Variants in PLXNA4 observed in about 807,000 individuals in gnomAD.
The protein encoded by PLXNA4 is plexin A4.
PLXNA4 carries 44 observed loss-of-function variants against 191.8 expected under a neutral mutation model. The observed-to-expected ratio is 0.23, with a 90% CI of 0.18 to 0.29. The LOEUF (loss-of-function observed/expected upper bound fraction) is 0.29. Among genes scored for constraint, PLXNA4 ranks in the 10% least tolerant of loss-of-function variants. PLXNA4 has a pLI of 1.00. For synonymous variants in PLXNA4, 1,082 were observed against 1,009.5 expected (o/e 1.07, Z -1.36); for missense variants, 1,800 against 2,488.8 (o/e 0.72, Z 5.89).
At chr7:132,478,184 A>G (rs1273747444) in intron 3 of PLXNA4, among the ~76,000 whole-genome samples, 1 of 152,222 alleles carries the variant, frequency 6.6e-6, no homozygotes, top group Non-Finnish European at 1.5e-5. Context: ...TGCCTAACTA[A>G]ACCTCCCTGG....
At chr7:132,257,209 T>C (rs1043992848) in intron 4 of PLXNA4, among the ~76,000 whole-genome samples, 1 of 152,230 alleles carries the variant, frequency 6.6e-6, no homozygotes, top group African/African-American at 2.4e-5. Flanking sequence ...TCTCTCGTGA[T>C]GAGCTGCAGC....
intron 3 of PLXNA4, among the ~76,000 whole-genome samples, chr7:132,447,842 T>C (rs1411596973): frequency 6.7e-6 from 1 of 149,102 alleles, no homozygotes; most frequent in East Asian, 2.0e-4. Flanking sequence ...AAAAAAAGAT[T>C]AAAACACTTT....
chr7:132,397,851 CA>C (rs1793826909), intron 3 of PLXNA4, among the ~76,000 whole-genome samples: 1 of 152,194 alleles, frequency 6.6e-6, no homozygotes, highest in Admixed American at 6.5e-5. Context: ...ACGAAGGGCA[CA>C]GGGGAGAAAG....
chr7:132,219,397 C>T (rs558559951), intron 9 of PLXNA4, among the ~76,000 whole-genome samples: 1 of 152,328 alleles, frequency 6.6e-6, no homozygotes, highest in East Asian at 1.9e-4. Context: ...TTTCTACTTA[C>T]AATGACAGAA....
At chr7:132,160,784 C>G (rs76399962) in intron 24 of PLXNA4, among the ~76,000 whole-genome samples, 2 of 152,188 alleles carry the variant, frequency 1.3e-5, no homozygotes, top group African/African-American at 4.8e-5. Flanking sequence ...CAGAGCCAGA[C>G]AGCAGTCTCT....
At position 132,129,878 on chromosome 7, in the gene PLXNA4, C is replaced by G. The variant is rs1021505251; in HGVS notation, c.*601G>C. ...AGGAGCCTCAAGGAGCACCTCCCAGCTGCCCACACATGCCCTGCTCCAGCC... is the reference window on the plus strand; with the variant it reads ...AGGAGCCTCAAGGAGCACCTCCCAGGTGCCCACACATGCCCTGCTCCAGCC... On this transcript the variant is annotated 3_prime_UTR_variant, in exon 32 of 32. Coordinates refer to ENST00000321063, the MANE Select transcript of PLXNA4 (RefSeq NM_020911.2). 2 of 153,454 alleles carry G rather than the reference C, an allele frequency of 1.3e-5. No homozygotes were observed. The highest frequency in any genetic ancestry group is 4.8e-5 in the African/African-American group (2 of 41,464). The allele number at this position is 153,454 out of a possible 1,614,324, so 9.5% of individuals were successfully genotyped here.
At chr7:132,526,478 G>A (rs1237500541) in intron 1 of PLXNA4, among the ~76,000 whole-genome samples, 1 of 152,186 alleles carries the variant, frequency 6.6e-6, no homozygotes, top group Admixed American at 6.5e-5. Flanking sequence ...ACAAAGTGTA[G>A]GTTTCAGTTT....
chr7:132,514,547 A>G (rs1024374675), intron 1 of PLXNA4, among the ~76,000 whole-genome samples: 5 of 152,172 alleles, frequency 3.3e-5, no homozygotes, highest in Non-Finnish European at 1.5e-5. Context: ...CATTTAAATC[A>G]GTCTGCTTTG....
chr7:132,247,400 C>CA (rs1213130870), intron 4 of PLXNA4, among the ~76,000 whole-genome samples: 1 of 151,710 alleles, frequency 6.6e-6, no homozygotes, highest in Non-Finnish European at 1.5e-5. Context: ...TCAAAATTGT[C>CA]AAAAAAGAAA....
chr7:132,505,600 G>A (rs1480879043), intron 2 of PLXNA4, among the ~76,000 whole-genome samples: 1 of 152,106 alleles, frequency 6.6e-6, no homozygotes, highest in African/African-American at 2.4e-5. Context: ...CAGGCAAGGG[G>A]GATTCTCTTC....
At chr7:132,346,160 T>G (rs1219305023) in intron 3 of PLXNA4, among the ~76,000 whole-genome samples, 2 of 152,234 alleles carry the variant, frequency 1.3e-5, no homozygotes, top group African/African-American at 4.8e-5. Flanking sequence ...GCTATCTGTG[T>G]GACTTTGGGC....
At chr7:132,472,198 C>T (rs1265048463) in intron 3 of PLXNA4, among the ~76,000 whole-genome samples, 1 of 152,162 alleles carries the variant, frequency 6.6e-6, no homozygotes, top group East Asian at 1.9e-4. Flanking sequence ...AAATTTTGCC[C>T]TGATACTTTT....
At position 132,384,127 on chromosome 7, in the gene PLXNA4, C is replaced by T. The variant is rs189798927; in HGVS notation, c.1372-85905G>A. ...ACACAGATGAAGGTTCTCAAGAGCC[C>T]TCCTGATTCATTCCCTCCCACAGGC... On this transcript the variant is annotated intron_variant, in intron 3 of 31. Transcript: ENST00000321063. 3.9e-3 allele frequency: 3,818 copies of T among 985,412 alleles called. 8 individuals carry two copies. The highest frequency in any genetic ancestry group is 4.3e-3 in the Non-Finnish European group (3,553 of 829,946). 61.0% of individuals were successfully genotyped at this position (985,412 alleles called of 1,614,324 possible).
chr7:132,227,323 A>C, intron 7 of PLXNA4, 128 bp downstream of exon 7: 2 of 1,282,182 alleles, frequency 1.6e-6, no homozygotes, highest in Non-Finnish European at 2.2e-6. Context: ...CACACCCACC[A>C]TCCCATGCCC....
chr7:132,268,591 G>A (rs1400013541), intron 4 of PLXNA4, among the ~76,000 whole-genome samples: 2 of 152,142 alleles, frequency 1.3e-5, no homozygotes, highest in African/African-American at 4.8e-5. Context: ...AGGAGCAGAG[G>A]GGATCACCCC....
chr7:132,233,549 C>T (rs985341870), intron 5 of PLXNA4, among the ~76,000 whole-genome samples: 2 of 152,230 alleles, frequency 1.3e-5, no homozygotes. Context: ...CCATCAGTTG[C>T]TGGCAACTGG....
chr7:132,257,759 G>A (rs1799482920), intron 4 of PLXNA4, among the ~76,000 whole-genome samples: 1 of 152,206 alleles, frequency 6.6e-6, no homozygotes, highest in Non-Finnish European at 1.5e-5. Flanking sequence ...TGGCCCTGTA[G>A]ATTTGAAGGG....
At chr7:132,275,607 G>T (rs552865676) in intron 4 of PLXNA4, among the ~76,000 whole-genome samples, 1 of 152,156 alleles carries the variant, frequency 6.6e-6, no homozygotes, top group Non-Finnish European at 1.5e-5. Flanking sequence ...TACTGTTGCT[G>T]TTTTATCACA....
At chr7:132,437,614 C>T (rs184591059) in intron 3 of PLXNA4, among the ~76,000 whole-genome samples, 24 of 151,986 alleles carry the variant, frequency 1.6e-4, no homozygotes, top group African/African-American at 4.8e-4. Flanking sequence ...CTGTACCCTC[C>T]GCACCAAGAG....
Sources: allele counts gnomAD v4.1 joint callset (sites outside exome capture counted in the v4.1 genomes callset), GRCh38; gene constraint gnomAD v4.1.1; transcripts MANE v1.5; gene names NCBI Gene and HGNC (gene_info 2026-07-23, HGNC 2026-07-21).